Variants in PAH observed in about 807,000 individuals in gnomAD.
The protein encoded by PAH is phenylalanine hydroxylase.
In PAH, 64 loss-of-function variants were observed where a neutral mutation model predicts 62.0. The observed-to-expected ratio is 1.03, with a 90% confidence interval of 0.84 to 1.27. The LOEUF is 1.27. Ranked by LOEUF, PAH falls within the 50% of genes most tolerant of loss-of-function variation. The pLI, the probability that PAH is intolerant of heterozygous loss-of-function variation, is 0.00. For missense variants in PAH, 579 were observed against 542.8 expected (o/e 1.07, Z -0.66); for synonymous variants, 195 against 196.2 (o/e 0.99, Z 0.05).
At chr12:102,843,849 G>A in intron 10 of PAH, 70 bp from the exon 11 acceptor site, 2 of 1,517,178 alleles carry the variant, frequency 1.3e-6, no homozygotes, top group Middle Eastern at 1.8e-4. Flanking sequence ...GCATCCCATA[G>A]GCCATTTGTG....
At chr12:102,890,807 G>A (rs998943147) in intron 3 of PAH, among the ~76,000 whole-genome samples, 12 of 152,100 alleles carry the variant, frequency 7.9e-5, no homozygotes, top group African/African-American at 2.7e-4. Context: ...TTTAGGCCGG[G>A]CACTGTGGCT....
intron 4 of PAH, among the ~76,000 whole-genome samples, chr12:102,871,647 G>T (rs780375214): frequency 5.9e-5 from 9 of 152,092 alleles, no homozygotes; most frequent in Non-Finnish European, 1.2e-4. Flanking sequence ...AACAGGCCAG[G>T]TGCAGTGGCT....
At position 102,852,821 on chromosome 12, in the gene PAH, G is replaced by A. The variant is rs796064503; in HGVS notation, c.836C>T (p.Pro279Leu). 6.2e-7 allele frequency: 1 copy of A among 1,614,050 alleles called. No homozygotes were observed. Among genetic ancestry groups the A allele is most frequent in the Non-Finnish European group, 8.5e-7 (1 of 1,179,938 alleles). Residue 279 changes from proline (P) to leucine (L), a missense_variant, in exon 7 of 13, where the codon CCC (proline) becomes CTC (leucine). By Grantham distance (98) the Pro-to-Leu change is moderately conservative. Coordinates refer to ENST00000553106, the MANE Select transcript of PAH (RefSeq NM_000277.3). ...GCTGGAGGACAGTACTCACGGTTCG[G>A]GGGTATACATGGGCTTGGATCCATG... is the stretch of plus-strand genomic sequence containing the variant. ...IRHGSKPMYT[P>L]EPDICHELLG...
intron 4 of PAH, 191 bp downstream of exon 4, chr12:102,877,271 T>C (rs1876607509): frequency 1.6e-6 from 1 of 641,260 alleles, no homozygotes; most frequent in South Asian, 1.8e-5. Context: ...CCTACAAAAA[T>C]AATGACCATG....
chr12:102,876,510 C>T (rs920634440), intron 4 of PAH, among the ~76,000 whole-genome samples: 1 of 152,246 alleles, frequency 6.6e-6, no homozygotes, highest in African/African-American at 2.4e-5. Context: ...TATAAAGACC[C>T]ACATAAATGT....
At chr12:102,851,828 T>C in intron 7 of PAH, 72 bp from the exon 8 acceptor site, 1 of 1,108,540 alleles carries the variant, frequency 9.0e-7, no homozygotes, top group Non-Finnish European at 1.4e-6. Flanking sequence ...TCTTTCTACA[T>C]GAGGAATGGG....
chr12:102,900,831 G>T (rs1036871620), intron 2 of PAH, among the ~76,000 whole-genome samples: 2 of 151,846 alleles, frequency 1.3e-5, no homozygotes, highest in Non-Finnish European at 2.9e-5. Flanking sequence ...ACCCATATAC[G>T]CTCACCACAT....
At chr12:102,951,963 G>A (rs951102962), upstream of PAH, among the ~76,000 whole-genome samples, 1 of 152,078 alleles carries the variant, frequency 6.6e-6, no homozygotes, top group African/African-American at 2.4e-5. Flanking sequence ...TCCTGTAGCT[G>A]AGGTGTTTCT....
Position 102,957,827 on chromosome 12 carries a change from CAA to C in PAH, c.-96+366_-96+367del, listed in dbSNP as rs1040862807. 6.1e-6 allele frequency: 1 copy of C among 164,706 alleles called. No individual in the cohort carries two copies. The highest frequency in any genetic ancestry group is 1.3e-5 in the Non-Finnish European group (1 of 76,830). The allele number at this position is 164,706 out of a possible 1,614,324, so 10.2% of individuals were successfully genotyped here. On this transcript the variant is annotated intron_variant, in intron 1 of 4. Transcript: ENST00000551337. This position sits in a 1 kb window ranked among gnomAD's most constrained non-coding sequence, Gnocchi z 4.1. ...CGGCTGGAGAGACCGAGACCCGGCG[CAA>C]GAGAGCGCAGCCTTAGTAGGAGAGG...
intron 2 of PAH, among the ~76,000 whole-genome samples, chr12:102,908,766 TTATATC>T (rs1204566572): frequency 6.6e-6 from 1 of 152,166 alleles, no homozygotes; most frequent in Non-Finnish European, 1.5e-5. Context: ...TTTCTTTAGT[TTATATC>T]TAAAGTCCTT....
At chr12:102,941,977 T>G (rs915304921) in intron 1 of PAH, among the ~76,000 whole-genome samples, 3 of 152,116 alleles carry the variant, frequency 2.0e-5, no homozygotes, top group African/African-American at 7.2e-5. Flanking sequence ...AACATTATAC[T>G]GAATAGCAAA....
chr12:102,874,818 G>C (rs1478758558), intron 4 of PAH, among the ~76,000 whole-genome samples: 1 of 152,206 alleles, frequency 6.6e-6, no homozygotes, highest in African/African-American at 2.4e-5. Context: ...CTTGGAAACA[G>C]TCCTTCCTTT....
chr12:102,948,267 G>A (rs2136772427), intron 1 of PAH, among the ~76,000 whole-genome samples: 2 of 152,250 alleles, frequency 1.3e-5, no homozygotes, highest in East Asian at 3.9e-4. Flanking sequence ...AAGAAATAGA[G>A]CTCAGGAAAG....
At chr12:102,936,206 G>A (rs1292592082) in intron 1 of PAH, among the ~76,000 whole-genome samples, 1 of 151,906 alleles carries the variant, frequency 6.6e-6, no homozygotes, top group Non-Finnish European at 1.5e-5. Flanking sequence ...AATTCCTCCT[G>A]TTATTGATTT....
chr12:102,957,066 A>G lies in PAH; in HGVS notation c.-96+1129T>C, dbSNP rs1256470430. Among the ~76,000 whole-genome samples, 1 of 151,980 alleles carries G rather than the reference A, an allele frequency of 6.6e-6. No individual in the cohort carries two copies. The highest frequency in any genetic ancestry group is 1.5e-5 in the Non-Finnish European group (1 of 67,976). On this transcript the variant is annotated intron_variant, in intron 1 of 4. Coordinates refer to the PAH transcript ENST00000551337. This position sits in a 1 kb window ranked among gnomAD's most constrained non-coding sequence, Gnocchi z 4.1. Reference sequence around the variant, plus strand: ...TGTTCTGGACGGAGTCCCTCCCCCAACCATGTTTCTAAACTTCAATCGTAA... The same window carrying G: ...TGTTCTGGACGGAGTCCCTCCCCCAGCCATGTTTCTAAACTTCAATCGTAA...
Position 102,840,415 on chromosome 12 carries a change from C to T in PAH, c.1300G>A (p.Ala434Thr), listed in dbSNP as rs1355432845. ...LDNTQQLKIL[A>T]DSINSEIGIL... is the part of the protein sequence containing the mutation. Reference sequence around the variant, plus strand: ...AATTACTTACTGTTAATGGAATCAGCCAAAATCTTAAGCTGCTGGGTATTG... The same window carrying T: ...AATTACTTACTGTTAATGGAATCAGTCAAAATCTTAAGCTGCTGGGTATTG... The change falls in exon 12 of 13, where the codon GCT (alanine) becomes ACT (threonine). Residue 434 changes from alanine (A) to threonine (T), a missense_variant. Physicochemically the swap from Ala to Thr is moderately conservative, Grantham distance 58. Coordinates refer to ENST00000553106, the MANE Select transcript of PAH (RefSeq NM_000277.3). 1 of 1,612,936 alleles carries T rather than the reference C, an allele frequency of 6.2e-7. No homozygotes were observed. Among genetic ancestry groups the T allele is most frequent in the Admixed American group, 1.7e-5 (1 of 60,002 alleles).
chr12:102,843,604 G>C (rs750218310), intron 11 of PAH, 42 bp downstream of exon 11: 1 of 1,611,956 alleles, frequency 6.2e-7, no homozygotes, highest in South Asian at 1.1e-5. Context: ...CACCAGTCAG[G>C]AGGCCCCCAG....
chr12:102,912,786 C>T lies in PAH; in HGVS notation c.168+5G>A, dbSNP rs62507288. On this transcript the variant is annotated splice_donor_5th_base_variant and intron_variant, in intron 2 of 12. Coordinates refer to ENST00000553106, the MANE Select transcript of PAH (RefSeq NM_000277.3). ...ATCCAAGACAAACATGATTGTAGCA[C>T]TGACCTCAAATAAGCGCAATACTTT... The T allele has an allele frequency of 1.9e-6, 3 of 1,589,918 alleles. No individual in the cohort carries two copies. Among genetic ancestry groups the T allele is most frequent in the Non-Finnish European group, 2.6e-6 (3 of 1,157,970 alleles).
chr12:102,925,073 C>A (rs1878651180), intron 1 of PAH, among the ~76,000 whole-genome samples: 1 of 152,096 alleles, frequency 6.6e-6, no homozygotes, highest in Non-Finnish European at 1.5e-5. Flanking sequence ...TATTAGTTTT[C>A]CCCAATCCTT....
Sources: gnomAD v4.1 joint callset for allele counts (sites outside exome capture counted in the v4.1 genomes callset) on GRCh38, gnomAD v4.1.1 for gene constraint, Gnocchi (gnomAD v3.1) non-coding constraint, MANE v1.5 for transcripts, NCBI Gene and HGNC (gene_info 2026-07-23, HGNC 2026-07-21) for gene names.